Variants in LRRC7 observed in about 807,000 individuals in gnomAD.
LRRC7 encodes leucine-rich repeat-containing protein 7.
A neutral mutation model predicts 175.7 loss-of-function variants in LRRC7; 23 were observed. The ratio of observed to expected loss-of-function variants is 0.13; its 90% CI spans 0.09 to 0.19. The LOEUF (loss-of-function observed/expected upper bound fraction) is 0.19, where lower values mean the gene tolerates loss of function less well. LRRC7 is among the 10% of genes least tolerant of loss of function. LRRC7 has a pLI of 1.00. For synonymous variants in LRRC7, 685 were observed against 680.9 expected, an observed-to-expected ratio of 1.01 and a Z score of -0.09; for missense variants, 1,354 against 1,904.7, an observed-to-expected ratio of 0.71 and a Z score of 5.38.
At chr1:70,088,769 G>A (rs965060691) in intron 24 of LRRC7, among the ~76,000 whole-genome samples, 2 of 151,908 alleles carry the variant, frequency 1.3e-5, no homozygotes, top group Admixed American at 1.3e-4. Flanking sequence ...AGTTTCTCTA[G>A]GTCATCCCTG....
intron 2 of LRRC7, among the ~76,000 whole-genome samples, chr1:69,679,621 G>A (rs1660221071): frequency 6.6e-6 from 1 of 152,068 alleles, no homozygotes; most frequent in Non-Finnish European, 1.5e-5. Flanking sequence ...GCATTTATAA[G>A]ATGCCAACTC....
At chr1:69,970,546 C>G (rs1241921672) in intron 8 of LRRC7, among the ~76,000 whole-genome samples, 3 of 152,054 alleles carry the variant, frequency 2.0e-5, no homozygotes, top group Non-Finnish European at 4.4e-5. Flanking sequence ...GGATAAAATC[C>G]TGGGAAAATA....
chr1:69,623,698 G>A (rs1296804881), intron 1 of LRRC7, among the ~76,000 whole-genome samples: 1 of 152,052 alleles, frequency 6.6e-6, no homozygotes, highest in Non-Finnish European at 1.5e-5. Flanking sequence ...TTACAGGCAT[G>A]CACCAGCACG....
intron 7 of LRRC7, among the ~76,000 whole-genome samples, chr1:69,892,360 T>A (rs1245073378): frequency 6.6e-6 from 1 of 152,166 alleles, no homozygotes; most frequent in East Asian, 1.9e-4. Flanking sequence ...TCTTAAAGAT[T>A]ACCTATGTGA....
At chr1:70,065,180 C>T (rs201710111) in intron 23 of LRRC7, among the ~76,000 whole-genome samples, 1 of 151,932 alleles carries the variant, frequency 6.6e-6, no homozygotes, top group East Asian at 1.9e-4. Flanking sequence ...AGGTGATACA[C>T]TAAACTATGT....
Position 70,066,613 on chromosome 1 carries a change from C to T in LRRC7, c.4231-9464C>T, listed in dbSNP as rs146229516. ...TCCATAGTATGGATATATCACAGTT[C>T]GTTTATCATTTACCTATGGAAGGAT... is the stretch of plus-strand genomic sequence containing the variant. On this transcript the variant is annotated intron_variant, in intron 23 of 26. Transcript: ENST00000651989. 3.7e-3 allele frequency among the ~76,000 whole-genome samples: 561 copies of T among 151,996 alleles called. 5 individuals carry two copies. Among genetic ancestry groups the T allele is most frequent in the African/African-American group, 0.013 (533 of 41,510 alleles).
chr1:69,701,155 C>T (rs1203601852), intron 2 of LRRC7, among the ~76,000 whole-genome samples: 1 of 152,158 alleles, frequency 6.6e-6, no homozygotes, highest in Non-Finnish European at 1.5e-5. Flanking sequence ...CCTCAATAAA[C>T]TCCTCTCTAA....
chr1:69,633,803 C>T (rs1035543361), intron 1 of LRRC7, among the ~76,000 whole-genome samples: 1 of 152,070 alleles, frequency 6.6e-6, no homozygotes, highest in East Asian at 1.9e-4. Context: ...TAATCTAGGG[C>T]CTGCCATGGG....
chr1:70,000,284 G>C (rs182173714), intron 11 of LRRC7, among the ~76,000 whole-genome samples: 1 of 152,158 alleles, frequency 6.6e-6, no homozygotes, highest in Non-Finnish European at 1.5e-5. Flanking sequence ...TATTTTTACT[G>C]TACCTTTTCT....
intron 4 of LRRC7, among the ~76,000 whole-genome samples, chr1:69,816,382 G>T (rs1678606605): frequency 6.6e-6 from 1 of 152,102 alleles, no homozygotes; most frequent in African/African-American, 2.4e-5. Context: ...TATCACCTTG[G>T]GTGTTAGGAT....
At chr1:69,848,016 G>A (rs12086732) in intron 7 of LRRC7, among the ~76,000 whole-genome samples, 98 of 151,966 alleles carry the variant, frequency 6.4e-4, no homozygotes, top group African/African-American at 1.8e-3. Context: ...TTTATATCTC[G>A]AAGCATCTTT....
At chr1:70,097,017 T>C (rs1427035835) in intron 25 of LRRC7, among the ~76,000 whole-genome samples, 1 of 152,238 alleles carries the variant, frequency 6.6e-6, no homozygotes, top group African/African-American at 2.4e-5. Flanking sequence ...GTCTCAGATG[T>C]GTACAACTAC....
intron 4 of LRRC7, among the ~76,000 whole-genome samples, chr1:69,808,408 G>C (rs141313953): frequency 5.3e-4 from 80 of 151,914 alleles, no homozygotes; most frequent in African/African-American, 1.7e-3. Flanking sequence ...TGGACCAAGC[G>C]CACCTAACAG....
chr1:69,825,886 T>A, intron 5 of LRRC7, 60 bp downstream of exon 5: 1 of 1,040,730 alleles, frequency 9.6e-7, no homozygotes, highest in Non-Finnish European at 1.4e-6. Flanking sequence ...ATAATGTACC[T>A]AAATAGAGGA....
intron 24 of LRRC7, among the ~76,000 whole-genome samples, chr1:70,082,936 C>T (rs1027695495): frequency 1.3e-5 from 2 of 151,632 alleles, no homozygotes; most frequent in East Asian, 3.9e-4. Flanking sequence ...CAGCATGCTC[C>T]ACCACACCCA....
At chr1:69,978,967 C>A (rs1021098309) in intron 8 of LRRC7, among the ~76,000 whole-genome samples, 1 of 150,500 alleles carries the variant, frequency 6.6e-6, no homozygotes, top group African/African-American at 2.4e-5. Context: ...AATCTGCCTT[C>A]CAGGCTTATA....
At chr1:69,600,598 G>T (rs1647014502) in intron 1 of LRRC7, among the ~76,000 whole-genome samples, 1 of 151,992 alleles carries the variant, frequency 6.6e-6, no homozygotes, top group African/African-American at 2.4e-5. Flanking sequence ...ATACTACTTT[G>T]TCTATTGTAT....
intron 3 of LRRC7, among the ~76,000 whole-genome samples, chr1:69,773,015 TAA>T (rs1447386918): frequency 1.3e-5 from 2 of 152,166 alleles, no homozygotes; most frequent in African/African-American, 4.8e-5. Context: ...TGAAGTCTAT[TAA>T]AGAGACAATG....
chr1:69,814,357 A>AT lies in LRRC7; in HGVS notation c.422-11385dup, dbSNP rs531867297. On this transcript the variant is annotated intron_variant, in intron 4 of 26. Coordinates refer to ENST00000651989, the MANE Select transcript of LRRC7 (RefSeq NM_001370785.2). Reference sequence around the variant, plus strand: ...TCAAAATTATTGAAAGAATTAAATGATTTTTTCACAGTGACAAAGTGAAGT... The same window carrying AT: ...TCAAAATTATTGAAAGAATTAAATGATTTTTTTCACAGTGACAAAGTGAAGT... Among the ~76,000 whole-genome samples the AT allele has an allele frequency of 4.1e-3, 620 of 152,230 alleles. 5 individuals are homozygous for AT. The highest frequency in any genetic ancestry group is 0.014 in the African/African-American group (572 of 41,570).
Sources: gnomAD v4.1 joint callset for allele counts (sites outside exome capture counted in the v4.1 genomes callset) on GRCh38, gnomAD v4.1.1 for gene constraint, MANE v1.5 for transcripts, NCBI Gene and HGNC (gene_info 2026-07-23, HGNC 2026-07-21) for gene names.